The following DNAH11 variants were observed in gnomAD, a reference collection of about 807,000 sequenced individuals.
DNAH11 encodes the protein axonemal beta dynein heavy chain 11.
Under a neutral mutation model 526.0 loss-of-function variants are expected in DNAH11, and 442 were observed. The observed-to-expected ratio is 0.84, with a 90% CI of 0.78 to 0.91. The LOEUF (loss-of-function observed/expected upper bound fraction) is 0.91. Among genes scored for constraint, DNAH11 ranks in the 40% least tolerant of loss-of-function variants. DNAH11 has a pLI of 0.00. For missense variants in DNAH11, 6,989 were observed against 5,448.7 expected, an observed-to-expected ratio of 1.28 and a Z score of -8.90; for synonymous variants, 2,461 against 1,935.9, an observed-to-expected ratio of 1.27 and a Z score of -7.12.
chr7:21,873,263 C>T lies in DNAH11; in HGVS notation c.11968-11C>T, dbSNP rs757851046. On this transcript the variant is annotated splice_polypyrimidine_tract_variant and intron_variant, in intron 73 of 81. Coordinates refer to ENST00000409508, the MANE Select transcript of DNAH11 (RefSeq NM_001277115.2). ...ACCTTCACAGGAATTATGCACCATG[C>T]TATCTTTCAGAATGTTCATTTGGTA... The T allele has an allele frequency of 1.3e-6, 2 of 1,564,210 alleles. No individual in the cohort carries two copies. Among genetic ancestry groups the T allele is most frequent in the Non-Finnish European group, 1.7e-6 (2 of 1,150,876 alleles).
At chr7:21,848,231 C>T (rs1246778475) in intron 66 of DNAH11, among the ~76,000 whole-genome samples, 2 of 150,040 alleles carry the variant, frequency 1.3e-5, no homozygotes, top group East Asian at 2.0e-4. Context: ...ATGTAATGCA[C>T]TTCTTTGTTC....
intron 1 of DNAH11, among the ~76,000 whole-genome samples, chr7:21,543,948 G>A (rs955102065): frequency 1.3e-5 from 2 of 152,130 alleles, no homozygotes; most frequent in African/African-American, 4.8e-5. Flanking sequence ...TTGCTCTTGG[G>A]TCACTCTGGA....
At chr7:21,794,940 A>G (rs1788647719) in intron 61 of DNAH11, among the ~76,000 whole-genome samples, 1 of 152,090 alleles carries the variant, frequency 6.6e-6, no homozygotes, top group Non-Finnish European at 1.5e-5. Context: ...TGGTAGGGGC[A>G]TTGCAAATAG....
rs1785739275 is a variant in DNAH11 at position 21,738,848 on chromosome 7, A to G, written c.7793A>G (p.His2598Arg). 2 of 1,601,956 alleles carry G rather than the reference A, an allele frequency of 1.2e-6. No homozygotes were observed. The highest frequency in any genetic ancestry group is 1.7e-6 in the Non-Finnish European group (2 of 1,175,008). The change falls in exon 47 of 82, where the codon CAT (histidine) becomes CGT (arginine). Residue 2598 changes from histidine (H) to arginine (R), a missense_variant. Physicochemically the swap from His to Arg is conservative, Grantham distance 29. Transcript: ENST00000409508. The stretch of plus-strand genomic sequence containing the variant: ...CAGCCTCACACCCTGATCCGGCAGC[A>G]TATTGATTATGGACATTGGTAAGCA... ...TVQPHTLIRQ[H>R]IDYGHWYDRQ...
intron 18 of DNAH11, among the ~76,000 whole-genome samples, chr7:21,601,862 C>T (rs966059715): frequency 2.0e-5 from 3 of 152,024 alleles, no homozygotes; most frequent in African/African-American, 2.4e-5. Flanking sequence ...AACCACTGTG[C>T]TCCACTGCCT....
At chr7:21,873,563 G>GC (rs1268758421) in intron 74 of DNAH11, 62 bp downstream of exon 74, 2 of 1,515,524 alleles carry the variant, frequency 1.3e-6, no homozygotes, top group Non-Finnish European at 1.8e-6. Context: ...AGACTGTGGG[G>GC]CCCAGAATCA....
intron 43 of DNAH11, among the ~76,000 whole-genome samples, chr7:21,719,706 C>G (rs1784802605): frequency 6.6e-6 from 1 of 152,094 alleles, no homozygotes; most frequent in African/African-American, 2.4e-5. Context: ...AATAGGTGCT[C>G]AATAATTTAA....
Position 21,543,580 on chromosome 7 carries a change from T to G in DNAH11, c.335T>G (p.Leu112Arg), listed in dbSNP as rs1562648773. Reference protein sequence around the residue: ...LVFSFAASGRLAASQEIPRDA... With the variant: ...LVFSFAASGRRAASQEIPRDA... ...TTTAGCTTCGCCGCCTCGGGGCGCC[T>G]TGCGGCTTCCCAGGAGGTAAGAGGC... Residue 112 changes from leucine (L) to arginine (R), a missense_variant, in exon 1 of 82, where the codon CTT becomes CGT. Transcript: ENST00000409508. 3 of 1,597,076 alleles carry G rather than the reference T, an allele frequency of 1.9e-6. No homozygotes were observed. The Admixed American group carries it at 5.2e-5, about 28-fold the overall frequency.
At chr7:21,843,129 T>C (rs1283260805) in intron 66 of DNAH11, among the ~76,000 whole-genome samples, 1 of 152,214 alleles carries the variant, frequency 6.6e-6, no homozygotes, top group African/African-American at 2.4e-5. Flanking sequence ...TGGTAGCTAG[T>C]TGTGACTAGT....
At chr7:21,622,667 A>G (rs1291078922) in intron 25 of DNAH11, among the ~76,000 whole-genome samples, 8 of 152,186 alleles carry the variant, frequency 5.3e-5, no homozygotes, top group Non-Finnish European at 2.9e-5. Flanking sequence ...AATGCCACAT[A>G]TCTACAACTA....
At chr7:21,773,661 T>TC in intron 55 of DNAH11, 105 bp from the exon 56 acceptor site, 1 of 886,476 alleles carries the variant, frequency 1.1e-6, no homozygotes, top group Non-Finnish European at 1.6e-6. Context: ...ACTATCATTT[T>TC]TTTTTCTGAC....
At position 21,850,140 on chromosome 7, in the gene DNAH11, A is replaced by G. The variant is rs373276284; in HGVS notation, c.10897-2327A>G. ...GGGAGGCCAAGGCAGGCGGATCACAAGGTCAGGAGATTGAGACCATCCTGG... is the reference window on the plus strand; with the variant it reads ...GGGAGGCCAAGGCAGGCGGATCACAGGGTCAGGAGATTGAGACCATCCTGG... On this transcript the variant is annotated intron_variant, in intron 66 of 81. Coordinates refer to ENST00000409508, the MANE Select transcript of DNAH11 (RefSeq NM_001277115.2). 5.3e-5 allele frequency among the ~76,000 whole-genome samples: 8 copies of G among 151,976 alleles called. 1 individual carries two copies. The highest frequency in any genetic ancestry group is 1.9e-4 in the African/African-American group (8 of 41,516).
intron 35 of DNAH11, among the ~76,000 whole-genome samples, chr7:21,693,193 C>G (rs1483256215): frequency 6.6e-6 from 1 of 152,094 alleles, no homozygotes; most frequent in Non-Finnish European, 1.5e-5. Flanking sequence ...ACTATGTTTT[C>G]TTTTATAAGC....
chr7:21,601,340 C>G (rs973531969), intron 17 of DNAH11, 56 bp from the exon 18 acceptor site: 1 of 1,527,100 alleles, frequency 6.5e-7, no homozygotes, highest in African/African-American at 1.4e-5. Context: ...TCTTATACTG[C>G]TAAATGTTTT....
chr7:21,731,799 C>T (rs113025203), intron 45 of DNAH11, among the ~76,000 whole-genome samples: 13 of 152,304 alleles, frequency 8.5e-5, no homozygotes, highest in African/African-American at 2.9e-4. Flanking sequence ...TGGTAACCAT[C>T]TTCATCCGGC....
At chr7:21,602,774 G>A (rs1354469033) in intron 18 of DNAH11, among the ~76,000 whole-genome samples, 2 of 152,116 alleles carry the variant, frequency 1.3e-5, no homozygotes, top group African/African-American at 2.4e-5. Flanking sequence ...GTTTGTTAAT[G>A]TCTAAGACCA....
At chr7:21,559,471 A>G (rs919600272) in intron 3 of DNAH11, 132 bp from the exon 4 acceptor site, 2 of 764,164 alleles carry the variant, frequency 2.6e-6, no homozygotes, top group Non-Finnish European at 4.1e-6. Flanking sequence ...AATCAAGACC[A>G]TAAAAATAAT....
intron 20 of DNAH11, among the ~76,000 whole-genome samples, chr7:21,611,299 T>C (rs1785513375): frequency 6.6e-6 from 1 of 152,168 alleles, no homozygotes; most frequent in Non-Finnish European, 1.5e-5. Flanking sequence ...ATCTGGTTCT[T>C]AGGACTTTGG....
chr7:21,789,196 G>A (rs779067072), intron 60 of DNAH11, 45 bp from the exon 61 acceptor site: 7 of 1,356,000 alleles, frequency 5.2e-6, no homozygotes, highest in Non-Finnish European at 6.2e-6. Context: ...GGGATTGAAT[G>A]ATTACTTATC....
Sources: gnomAD v4.1 joint callset for allele counts (sites outside exome capture counted in the v4.1 genomes callset) on GRCh38, gnomAD v4.1.1 for gene constraint, MANE v1.5 for transcripts, NCBI Gene and HGNC (gene_info 2026-07-23, HGNC 2026-07-21) for gene names.